SP140: variants seen among roughly 807,000 people sequenced by gnomAD.
The protein encoded by SP140 is SP140 nuclear body protein, also known as nuclear body protein SP140.
In SP140, 81 loss-of-function variants were observed where a neutral mutation model predicts 125.0. The observed-to-expected ratio is 0.65, with a 90% CI of 0.54 to 0.78. The LOEUF is 0.78. Ranked by LOEUF, SP140 falls within the 30% of genes least tolerant of loss-of-function variation. SP140 has a pLI of 0.00. For missense variants in SP140, 858 were observed against 1,037.0 expected, an observed-to-expected ratio of 0.83 and a Z score of 2.37; for synonymous variants, 312 against 354.0, an observed-to-expected ratio of 0.88 and a Z score of 1.33.
intron 1 of SP140, among the ~76,000 whole-genome samples, chr2:230,205,756 G>A (rs1220040184): frequency 1.3e-5 from 2 of 152,204 alleles, no homozygotes; most frequent in African/African-American, 4.8e-5. Context: ...AGTGTCAATG[G>A]GAGACTTGCA....
intron 5 of SP140, among the ~76,000 whole-genome samples, chr2:230,244,453 G>C (rs1282944923): frequency 6.6e-6 from 1 of 152,186 alleles, no homozygotes; most frequent in Non-Finnish European, 1.5e-5. Context: ...AGGGTAGCCA[G>C]GGTCATGGAT....
intron 9 of SP140, 23 bp downstream of exon 9, chr2:230,248,991 A>G (rs1388772403): frequency 6.4e-7 from 1 of 1,570,874 alleles, no homozygotes; most frequent in Admixed American, 1.7e-5. Flanking sequence ...TAAGTTTTTA[A>G]ATATTTGAGT....
At chr2:230,236,413 A>C (rs956124589) in intron 1 of SP140, among the ~76,000 whole-genome samples, 1 of 152,220 alleles carries the variant, frequency 6.6e-6, no homozygotes. Context: ...AGAGAAACAG[A>C]ACCAATAGGA....
chr2:230,228,532 A>G (rs2046787646), intron 1 of SP140, among the ~76,000 whole-genome samples: 2 of 152,204 alleles, frequency 1.3e-5, no homozygotes, highest in East Asian at 1.9e-4. Flanking sequence ...TTCTCTTTAT[A>G]GTTCTATCAG....
intron 1 of SP140, among the ~76,000 whole-genome samples, chr2:230,206,794 T>G (rs907554415): frequency 6.6e-6 from 1 of 151,534 alleles, no homozygotes; most frequent in Admixed American, 6.6e-5. Context: ...CCCAGAAACA[T>G]TTTCCTCTTC....
chr2:230,274,458 G>T (rs981746863), intron 15 of SP140, among the ~76,000 whole-genome samples: 57 of 152,276 alleles, frequency 3.7e-4, no homozygotes, highest in African/African-American at 1.3e-3. Context: ...GATGGATGCA[G>T]GGGTCCATCA....
At position 230,312,642 on chromosome 2, in the gene SP140, C is replaced by T. The variant is rs1421004535; in HGVS notation, c.2562C>T (p.Phe854=). The T allele has an allele frequency of 6.2e-7, 1 of 1,612,952 alleles. No homozygotes were observed. The highest frequency in any genetic ancestry group is 1.7e-5 in the Admixed American group (1 of 59,930). Residue 854 remains phenylalanine (F), a synonymous_variant, in exon 27 of 27, where the codon TTC becomes TTT. Transcript: ENST00000392045. ...TGGAGGCTGAGTTTGAGAAGAATTT[C>T]AAGGAAGTGTTTGCTATTCAGGAAA... is the stretch of plus-strand genomic sequence containing the variant. ...FRLEAEFEKN[F]KEVFAIQETN...
At chr2:230,246,001 T>C in intron 7 of SP140, 61 bp downstream of exon 7, 1 of 939,398 alleles carries the variant, frequency 1.1e-6, no homozygotes, top group South Asian at 1.4e-5. Flanking sequence ...ACCTACTCTT[T>C]CATCTCCCTT....
rs200759635 is a variant in SP140 at position 230,211,603 on chromosome 2, C to A, written c.-322-2051C>A. 7 of 1,092,466 alleles carry A rather than the reference C, an allele frequency of 6.4e-6. No homozygotes were observed. Among genetic ancestry groups the A allele is most frequent in the Non-Finnish European group, 9.9e-6 (7 of 704,070 alleles). 67.7% of individuals were successfully genotyped at this position (1,092,466 alleles called of 1,614,324 possible). On this transcript the variant is annotated intron_variant, in intron 1 of 4. Coordinates refer to the SP140 transcript ENST00000456542. This position sits in a 1 kb window ranked among gnomAD's most constrained non-coding sequence, Gnocchi z 4.2. ...AGATCTCAGGAACAGCAAGCAGGGACCAGAATGAGGAGAAAAGAGAATGCT... is the reference window on the plus strand; with the variant it reads ...AGATCTCAGGAACAGCAAGCAGGGAACAGAATGAGGAGAAAAGAGAATGCT...
intron 1 of SP140, among the ~76,000 whole-genome samples, chr2:230,204,624 A>T (rs1297270324): frequency 6.6e-6 from 1 of 152,138 alleles, no homozygotes; most frequent in East Asian, 1.9e-4. Flanking sequence ...TCATTAAAAA[A>T]AAATTAATAG....
At chr2:230,303,272 A>C (rs531005560) in intron 22 of SP140, among the ~76,000 whole-genome samples, 4 of 152,176 alleles carry the variant, frequency 2.6e-5, no homozygotes, top group Non-Finnish European at 5.9e-5. Context: ...TAAGTCTACT[A>C]TGAACACCTT....
chr2:230,223,210 T>A (rs199713106), upstream of SP140, among the ~76,000 whole-genome samples: 21 of 152,182 alleles, frequency 1.4e-4, no homozygotes, highest in East Asian at 3.1e-3. Flanking sequence ...CTAATTTTTG[T>A]ATTTTTAGTA....
intron 1 of SP140, among the ~76,000 whole-genome samples, chr2:230,235,881 T>G (rs1201662090): frequency 2.8e-5 from 4 of 142,318 alleles, no homozygotes; most frequent in East Asian, 2.0e-4. Context: ...TTTTTTTTTT[T>G]TTTTTTTTTT....
upstream of SP140, among the ~76,000 whole-genome samples, chr2:230,225,300 T>A (rs11695193): frequency 0.11 from 16,853 of 152,288 alleles, 1,216 homozygotes; most frequent in South Asian, 0.2. Flanking sequence ...TCTGCTTTCA[T>A]GGAGTGCTAA....
chr2:230,238,417 GC>G, intron 3 of SP140, 36 bp downstream of exon 3: 1 of 1,563,186 alleles, frequency 6.4e-7, no homozygotes, highest in South Asian at 1.2e-5. Flanking sequence ...GGGGATTCAA[GC>G]CCATTTCATT....
chr2:230,212,522 C>T (rs887146242), intron 1 of SP140: 3 of 1,127,198 alleles, frequency 2.7e-6, no homozygotes, highest in Admixed American at 1.7e-5. Context: ...GATAGAGCAT[C>T]AAGGCACAAG....
At chr2:230,198,709 C>T (rs181648326), upstream of SP140, among the ~76,000 whole-genome samples, 22 of 152,190 alleles carry the variant, frequency 1.4e-4, no homozygotes, top group African/African-American at 4.8e-4. Context: ...ATTCTCCTGT[C>T]TCAGCCTCCT....
At position 230,245,865 on chromosome 2, in the gene SP140, T is replaced by C. The variant is rs1460641200; in HGVS notation, c.667T>C (p.Ser223Pro). 6.3e-7 allele frequency: 1 copy of C among 1,598,546 alleles called. No individual in the cohort carries two copies. Among genetic ancestry groups the C allele is most frequent in the Admixed American group, 1.7e-5 (1 of 59,950 alleles). Residue 223 changes from serine to proline, a missense_variant and splice_region_variant, in exon 7 of 27, where the codon TCC (serine) becomes CCC (proline). Ser to Pro is a moderately conservative substitution (Grantham distance 74). Transcript: ENST00000392045. ...APSLLPGGGV[S>P]CKLAIQIDEG... Reference sequence around the variant, plus strand: ...CATGTTCCTCTTTCACTCTGCAGTGTCCTGTAAACTTGCTATACAAATAGA... The same window carrying C: ...CATGTTCCTCTTTCACTCTGCAGTGCCCTGTAAACTTGCTATACAAATAGA...
At chr2:230,276,844 T>A (rs1008197281) in intron 15 of SP140, among the ~76,000 whole-genome samples, 1 of 152,142 alleles carries the variant, frequency 6.6e-6, no homozygotes, top group Non-Finnish European at 1.5e-5. Context: ...GTGGATGACT[T>A]TGAAGTGTTC....
Sources: gnomAD v4.1 joint callset for allele counts (sites outside exome capture counted in the v4.1 genomes callset) on GRCh38, gnomAD v4.1.1 for gene constraint, Gnocchi (gnomAD v3.1) non-coding constraint, MANE v1.5 for transcripts, NCBI Gene and HGNC (gene_info 2026-07-23, HGNC 2026-07-21) for gene names.